Variants in TEP1 observed in about 807,000 individuals in gnomAD.
TEP1 encodes telomerase protein component 1.
A neutral mutation model predicts 306.3 loss-of-function variants in TEP1; 241 were observed. That is an observed-to-expected ratio of 0.79 (90% CI 0.71 to 0.88). The LOEUF is 0.88. Among genes scored for constraint, TEP1 ranks in the 40% least tolerant of loss-of-function variants. The pLI is 0.00. For missense variants in TEP1, 3,051 were observed against 3,276.1 expected (o/e 0.93, Z 1.68); for synonymous variants, 1,289 against 1,305.5 (o/e 0.99, Z 0.27).
chr14:20,381,455 T>C lies in TEP1; in HGVS notation c.4559-54A>G. ...AGCCCTGCATCATTCCCAAGGGCAGTAGGTGAGCTGGCCAGCAGATGGGAG... is the reference window on the plus strand; with the variant it reads ...AGCCCTGCATCATTCCCAAGGGCAGCAGGTGAGCTGGCCAGCAGATGGGAG... On this transcript the variant is annotated intron_variant, in intron 31 of 54. Transcript: ENST00000262715. The surrounding 1 kb of genome is among the most constrained non-coding windows in gnomAD (Gnocchi z 4.0). 6.2e-7 allele frequency: 1 copy of C among 1,612,806 alleles called. No individual in the cohort carries two copies. Among genetic ancestry groups the C allele is most frequent in the Non-Finnish European group, 8.5e-7 (1 of 1,179,622 alleles).
Position 20,376,155 on chromosome 14 carries a change from G to A in TEP1, c.6198C>T (p.Cys2066=), listed in dbSNP as rs1015961897. The change falls in exon 42 of 55, where the codon TGC becomes TGT. Residue 2066 remains cysteine, a synonymous_variant. Coordinates refer to ENST00000262715, the MANE Select transcript of TEP1 (RefSeq NM_007110.5). ...TGCCTCCATCAGTGCTGAAACTACA[G>A]CAGCTCACAGGGCCCTCATGTCCCC... ...ELRGHEGPVS[C]CSFSTDGGSL... 8 of 1,614,088 alleles carry A rather than the reference G, an allele frequency of 5.0e-6. No homozygotes were observed. In the African/African-American group the frequency reaches 1.1e-4, roughly 22 times the overall value.
chr14:20,393,486 A>G (rs1442141880), intron 12 of TEP1, among the ~76,000 whole-genome samples: 2 of 152,098 alleles, frequency 1.3e-5, no homozygotes, highest in East Asian at 3.8e-4. Flanking sequence ...TGGTGAAATT[A>G]ACTTTTCTTT....
intron 27 of TEP1, among the ~76,000 whole-genome samples, 188 bp from the exon 28 acceptor site, chr14:20,382,903 GA>G (rs1876717998): frequency 6.6e-6 from 1 of 152,176 alleles, no homozygotes; most frequent in African/African-American, 2.4e-5. Context: ...AGCCCTGCCA[GA>G]AAACCCCTGT....
intron 12 of TEP1, 33 bp downstream of exon 12, chr14:20,395,417 C>A (rs1239570149): frequency 2.6e-6 from 4 of 1,531,270 alleles, no homozygotes; most frequent in Non-Finnish European, 8.9e-7. Context: ...GCCCCGATTG[C>A]CCACCCTTGG....
rs763332766 is a variant in TEP1, at chr14:20,395,919, A to G, written c.1690T>C (p.Phe564Leu). Residue 564 changes from phenylalanine (F) to leucine (L), a missense_variant, in exon 11 of 55, where the codon TTC (phenylalanine) becomes CTC (leucine). Physicochemically the swap from Phe to Leu is conservative, Grantham distance 22. This residue lies in a region of TEP1 where 1,507 missense variants were observed against 1,550.5 expected (regional missense o/e 0.97). Transcript: ENST00000262715. ...KSVIHSRQFP[F>L]RFLNAHDAID... ...GCATCATGGGCGTTAAGAAATCTGA[A>G]TGGAAACTGCCGACTGTGGATCACC... 1 of 1,614,132 alleles carries G rather than the reference A, an allele frequency of 6.2e-7. No homozygotes were observed. The highest frequency in any genetic ancestry group is 8.5e-7 in the Non-Finnish European group (1 of 1,179,990).
chr14:20,374,995 G>T (rs924932025), intron 43 of TEP1, among the ~76,000 whole-genome samples: 1 of 151,742 alleles, frequency 6.6e-6, no homozygotes, highest in African/African-American at 2.4e-5. Context: ...GGAGGCTGAG[G>T]CAGGAGAATC....
intron 1 of TEP1, among the ~76,000 whole-genome samples, chr14:20,409,266 T>C (rs1410629108): frequency 6.6e-6 from 1 of 152,226 alleles, no homozygotes; most frequent in African/African-American, 2.4e-5. Context: ...CTGTCCTGAT[T>C]TTCTTCTTAA....
chr14:20,389,185 C>T, intron 17 of TEP1, 53 bp downstream of exon 17: 1 of 1,552,556 alleles, frequency 6.4e-7, no homozygotes, highest in Non-Finnish European at 8.9e-7. Context: ...AGATAATCTC[C>T]TAAAAACTTT....
At position 20,379,044 on chromosome 14, in the gene TEP1, T is replaced by C; in HGVS notation, c.5189A>G (p.Asp1730Gly). ...GISACLFLSDDTLFLTAFDGL... is the reference protein window; with the variant it reads ...GISACLFLSDGTLFLTAFDGL... ...GTCGAAGGCAGTAAGAAAGAGTGTA[T>C]CATCGGAGAGGAACAAACAAGCAGA... The change falls in exon 36 of 55, where the codon GAT becomes GGT. Residue 1730 changes from aspartate to glycine, a missense_variant. Coordinates refer to ENST00000262715, the MANE Select transcript of TEP1 (RefSeq NM_007110.5). The C allele has an allele frequency of 6.2e-7, 1 of 1,614,030 alleles. No homozygotes were observed. The highest frequency in any genetic ancestry group is 8.5e-7 in the Non-Finnish European group (1 of 1,180,006).
In TEP1 at chr14:20,384,029, ACT is replaced by A; in HGVS notation, c.3534+7_3534+8del. 6.3e-7 allele frequency: 1 copy of A among 1,596,020 alleles called. No individual in the cohort carries two copies. The highest frequency in any genetic ancestry group is 1.1e-5 in the South Asian group (1 of 88,128). On this transcript the variant is annotated splice_region_variant and intron_variant, in intron 24 of 54. Coordinates refer to ENST00000262715, the MANE Select transcript of TEP1 (RefSeq NM_007110.5). ...CCTCCCTCCTGCCCAGGCCCCTGAG[ACT>A]CTGTACCAGGAAGGCTGTCTTGCCC...
chr14:20,379,129 C>G, intron 35 of TEP1, 24 bp from the exon 36 acceptor site: 1 of 1,611,884 alleles, frequency 6.2e-7, no homozygotes, highest in Non-Finnish European at 8.5e-7. Flanking sequence ...TGAGGGAGCG[C>G]AGCTCAGGCC....
intron 5 of TEP1, 49 bp from the exon 6 acceptor site, chr14:20,403,933 C>T (rs1878965107): frequency 6.2e-7 from 1 of 1,611,176 alleles, no homozygotes; most frequent in Non-Finnish European, 8.5e-7. Flanking sequence ...CAAACCAACC[C>T]TCCAAAACAA....
chr14:20,380,903 G>A, intron 33 of TEP1, 28 bp downstream of exon 33: 1 of 1,594,936 alleles, frequency 6.3e-7, no homozygotes. Context: ...ATATCTCAGA[G>A]AAGAACCCAG....
In TEP1 at chr14:20,381,817, G is replaced by A; in HGVS notation, c.4424+96C>T. The A allele has an allele frequency of 2.6e-6, 4 of 1,549,790 alleles. No homozygotes were observed. Among genetic ancestry groups the A allele is most frequent in the Non-Finnish European group, 3.5e-6 (4 of 1,150,098 alleles). On this transcript the variant is annotated intron_variant, in intron 30 of 54. Transcript: ENST00000262715. The surrounding 1 kb of genome is among the most constrained non-coding windows in gnomAD (Gnocchi z 4.0). ...CAGCTGGAGCAGTAGCTCATTCATGGTCTGGGAGCCAGTTGTTGAAGCTAT... is the reference window on the plus strand; with the variant it reads ...CAGCTGGAGCAGTAGCTCATTCATGATCTGGGAGCCAGTTGTTGAAGCTAT...
chr14:20,384,279 G>A lies in TEP1; in HGVS notation c.3340-47C>T, dbSNP rs73585181. On this transcript the variant is annotated intron_variant, in intron 23 of 54. Coordinates refer to ENST00000262715, the MANE Select transcript of TEP1 (RefSeq NM_007110.5). ...ACTATCCATGGTGCCATGCTCCTCAGCACTCCCAGGCTAAAACTCACAGAG... is the reference window on the plus strand; with the variant it reads ...ACTATCCATGGTGCCATGCTCCTCAACACTCCCAGGCTAAAACTCACAGAG... The A allele has an allele frequency of 7.0e-4, 1,128 of 1,608,656 alleles. 6 individuals carry two copies. The African/African-American group carries it at 0.014, about 19-fold the overall frequency.
chr14:20,381,075 A>C lies in TEP1; in HGVS notation c.4648-30T>G. On this transcript the variant is annotated intron_variant, in intron 32 of 54. Coordinates refer to ENST00000262715, the MANE Select transcript of TEP1 (RefSeq NM_007110.5). The surrounding 1 kb of genome is among the most constrained non-coding windows in gnomAD (Gnocchi z 4.0). ...GAAGGTCAGATTGAATTCATTAGGG[A>C]TATGAAGGGGCTGGTGAGAAGGGAC... 1 of 1,568,646 alleles carries C rather than the reference A, an allele frequency of 6.4e-7. No individual in the cohort carries two copies. The highest frequency in any genetic ancestry group is 8.8e-7 in the Non-Finnish European group (1 of 1,138,720).
rs1365285781 is a variant in TEP1 at position 20,386,361 on chromosome 14, C to T, written c.2861+86G>A. The T allele has an allele frequency of 3.8e-6, 6 of 1,573,722 alleles. No homozygotes were observed. In the African/African-American group the frequency reaches 8.2e-5, roughly 22 times the overall value. On this transcript the variant is annotated intron_variant, in intron 19 of 54. Coordinates refer to ENST00000262715, the MANE Select transcript of TEP1 (RefSeq NM_007110.5). ...ACTCCCGCCTTCACCCTCATCCATTCTTGCAGCCCCAACCATGCCCACCTC... is the reference window on the plus strand; with the variant it reads ...ACTCCCGCCTTCACCCTCATCCATTTTTGCAGCCCCAACCATGCCCACCTC...
chr14:20,383,782 C>G lies in TEP1; in HGVS notation c.3671G>C (p.Gly1224Ala). The change falls in exon 25 of 55, where the codon GGC becomes GCC. Residue 1224 changes from glycine to alanine, a missense_variant. By Grantham distance (60) the Gly-to-Ala change is moderately conservative. Around this residue, in one of 3 missense-constraint regions of TEP1, gnomAD observed 1,507 missense variants for 1,550.5 expected, o/e 0.97. Coordinates refer to ENST00000262715, the MANE Select transcript of TEP1 (RefSeq NM_007110.5). ...LLRRLCTYLR[G>A]QLKEPGALPS... is the part of the protein sequence containing the mutation. ...GAGGGCACCTGGCTCTTTTAGTTGG[C>G]CACGCAGATAGGTACAGAGGCGTCT... 1 of 1,611,208 alleles carries G rather than the reference C, an allele frequency of 6.2e-7. No individual in the cohort carries two copies. Among genetic ancestry groups the G allele is most frequent in the Non-Finnish European group, 8.5e-7 (1 of 1,179,282 alleles).
Position 20,401,098 on chromosome 14 carries a change from C to G in TEP1, c.1435G>C (p.Gly479Arg). 4 of 1,614,136 alleles carry G rather than the reference C, an allele frequency of 2.5e-6. No individual in the cohort carries two copies. Among genetic ancestry groups the G allele is most frequent in the Non-Finnish European group, 3.4e-6 (4 of 1,180,034 alleles). The change falls in exon 9 of 55, where the codon GGG (glycine) becomes CGG (arginine). Residue 479 changes from glycine (G) to arginine (R), a missense_variant. Around this residue, in one of 3 missense-constraint regions of TEP1, gnomAD observed 1,507 missense variants for 1,550.5 expected, o/e 0.97. Transcript: ENST00000262715. ...CCAGCTCTGCTAGAATCCCAAGGCC[C>G]AGGAAGGCGACTTCGAGAAAAGAGC... ...LQLFSRSRLPGPWDSSRAGKR... is the reference protein window; with the variant it reads ...LQLFSRSRLPRPWDSSRAGKR...
Sources: allele counts gnomAD v4.1 joint callset (sites outside exome capture counted in the v4.1 genomes callset), GRCh38; gene constraint gnomAD v4.1.1; regional missense constraint gnomAD v4.1.1; non-coding constraint Gnocchi (gnomAD v3.1); transcripts MANE v1.5; gene names NCBI Gene and HGNC (gene_info 2026-07-23, HGNC 2026-07-21).